The following EPB41L4A variants were observed in gnomAD, a reference collection of about 807,000 sequenced individuals.
The protein encoded by EPB41L4A is band 4.1-like protein 4A.
A neutral mutation model predicts 108.6 loss-of-function variants in EPB41L4A; 100 were observed. That is an observed-to-expected ratio of 0.92 (90% CI 0.78 to 1.09). The LOEUF is 1.09. Among genes scored for constraint, EPB41L4A ranks in the 50% least tolerant of loss-of-function variants. The pLI is 0.00. For missense variants in EPB41L4A, 1,030 were observed against 842.7 expected, an observed-to-expected ratio of 1.22 and a Z score of -2.75; for synonymous variants, 319 against 289.0, an observed-to-expected ratio of 1.10 and a Z score of -1.05.
chr5:112,316,195 G>C (rs1424486977), intron 1 of EPB41L4A, among the ~76,000 whole-genome samples: 1 of 152,168 alleles, frequency 6.6e-6, no homozygotes, highest in Non-Finnish European at 1.5e-5. Context: ...AGATTAACAT[G>C]ACATTACAAA....
At chr5:112,234,205 TAAA>T (rs1419986340) in intron 12 of EPB41L4A, among the ~76,000 whole-genome samples, 1 of 147,802 alleles carries the variant, frequency 6.8e-6, no homozygotes, top group Admixed American at 6.7e-5. Flanking sequence ...TAAAATAAAA[TAAA>T]ATATAAATAA....
At chr5:112,159,640 C>G (rs1561434900), downstream of EPB41L4A, among the ~76,000 whole-genome samples, 1 of 152,188 alleles carries the variant, frequency 6.6e-6, no homozygotes, top group Non-Finnish European at 1.5e-5. Flanking sequence ...CCTGCTGTCT[C>G]CAGATCTTGC....
chr5:112,349,962 G>A (rs974957838), intron 1 of EPB41L4A, among the ~76,000 whole-genome samples: 14 of 152,184 alleles, frequency 9.2e-5, no homozygotes, highest in African/African-American at 2.4e-4. Context: ...TCATAGGGGC[G>A]AAGACGACGA....
At chr5:112,339,531 T>TCTATCTATAG (rs368050224) in intron 1 of EPB41L4A, among the ~76,000 whole-genome samples, 1 of 112,786 alleles carries the variant, frequency 8.9e-6, no homozygotes, top group East Asian at 2.8e-4. Flanking sequence ...TATATATCTA[T>TCTATCTATAG]ATATATATAT....
chr5:112,303,961 C>A (rs1360618586), intron 2 of EPB41L4A, among the ~76,000 whole-genome samples: 1 of 151,942 alleles, frequency 6.6e-6, no homozygotes, highest in African/African-American at 2.4e-5. Flanking sequence ...AGGTAGGGTA[C>A]AGAGACACAA....
At chr5:112,392,248 C>G (rs993530876) in intron 1 of EPB41L4A, among the ~76,000 whole-genome samples, 20 of 151,850 alleles carry the variant, frequency 1.3e-4, no homozygotes, top group Non-Finnish European at 2.8e-4. Context: ...TGTAAATGAG[C>G]AAAATGCCCC....
At chr5:112,222,080 G>A (rs1406970980) in intron 12 of EPB41L4A, among the ~76,000 whole-genome samples, 1 of 152,152 alleles carries the variant, frequency 6.6e-6, no homozygotes, top group African/African-American at 2.4e-5. Context: ...CTCTTGGCTA[G>A]GTAAGATGCC....
intron 4 of EPB41L4A, among the ~76,000 whole-genome samples, chr5:112,267,440 A>G (rs906989025): frequency 2.6e-5 from 4 of 152,238 alleles, no homozygotes; most frequent in African/African-American, 9.6e-5. Context: ...GAAGATTGGC[A>G]TCAACTTTTA....
intron 3 of EPB41L4A, among the ~76,000 whole-genome samples, chr5:112,275,636 G>A (rs1473309486): frequency 6.6e-6 from 1 of 151,964 alleles, no homozygotes; most frequent in Non-Finnish European, 1.5e-5. Context: ...CTTATGTCTG[G>A]TTGGTGAGGT....
At chr5:112,223,032 G>A (rs889356196) in intron 12 of EPB41L4A, among the ~76,000 whole-genome samples, 2 of 150,720 alleles carry the variant, frequency 1.3e-5, no homozygotes, top group African/African-American at 2.4e-5. Flanking sequence ...TCTGCCTCCC[G>A]GGTTCAAGCG....
At chr5:112,305,667 A>G (rs1754641117) in intron 2 of EPB41L4A, among the ~76,000 whole-genome samples, 1 of 152,198 alleles carries the variant, frequency 6.6e-6, no homozygotes, top group South Asian at 2.1e-4. Context: ...AAAGATAATC[A>G]GACAATACAT....
intron 1 of EPB41L4A, among the ~76,000 whole-genome samples, chr5:112,390,537 G>T (rs1282760669): frequency 6.6e-6 from 1 of 152,108 alleles, no homozygotes; most frequent in African/African-American, 2.4e-5. Flanking sequence ...TAAATAAAGC[G>T]GCCCAGAAAC....
chr5:112,290,090 A>G (rs530030477), intron 2 of EPB41L4A, among the ~76,000 whole-genome samples: 1 of 152,314 alleles, frequency 6.6e-6, no homozygotes, highest in South Asian at 2.1e-4. Flanking sequence ...ACATCATTCA[A>G]GAAACCAGAG....
chr5:112,245,658 T>G (rs562725559), intron 9 of EPB41L4A, among the ~76,000 whole-genome samples: 58 of 152,248 alleles, frequency 3.8e-4, no homozygotes, highest in Non-Finnish European at 7.2e-4. Context: ...AAGTTCAGGT[T>G]GAAATATTCT....
At chr5:112,408,462 G>A (rs1762212746) in intron 1 of EPB41L4A, among the ~76,000 whole-genome samples, 1 of 151,846 alleles carries the variant, frequency 6.6e-6, no homozygotes, top group South Asian at 2.1e-4. Context: ...ATCTGATAAG[G>A]AACTTGCATT....
intron 12 of EPB41L4A, among the ~76,000 whole-genome samples, chr5:112,146,360 A>G (rs1759256109): frequency 6.6e-6 from 1 of 152,192 alleles, no homozygotes; most frequent in South Asian, 2.1e-4. Context: ...AAATACTAAC[A>G]TTAATACATG....
intron 1 of EPB41L4A, among the ~76,000 whole-genome samples, chr5:112,375,323 G>T (rs796207456): frequency 1.4e-5 from 2 of 142,456 alleles, no homozygotes; most frequent in African/African-American, 2.6e-5. Context: ...TCTCTCTCTC[G>T]CACACACACA....
At chr5:112,299,158 G>T (rs1267661022) in intron 2 of EPB41L4A, among the ~76,000 whole-genome samples, 1 of 152,018 alleles carries the variant, frequency 6.6e-6, no homozygotes, top group East Asian at 1.9e-4. Context: ...GTTCTGCTCT[G>T]ACCTTGGTTA....
intron 1 of EPB41L4A, among the ~76,000 whole-genome samples, chr5:112,407,005 G>C (rs967650766): frequency 2.6e-5 from 4 of 152,044 alleles, no homozygotes; most frequent in Non-Finnish European, 4.4e-5. Flanking sequence ...AGCATCGTGG[G>C]GCTGAATTAA....
Sources: allele counts gnomAD v4.1 joint callset (sites outside exome capture counted in the v4.1 genomes callset), GRCh38; gene constraint gnomAD v4.1.1; transcripts MANE v1.5; gene names NCBI Gene and HGNC (gene_info 2026-07-23, HGNC 2026-07-21).